Variants in NPAS3 observed in about 807,000 individuals in gnomAD.
NPAS3 encodes neuronal PAS domain-containing protein 3.
In NPAS3, 14 loss-of-function variants were observed where a neutral mutation model predicts 73.1. That is an observed-to-expected ratio of 0.19 (90% CI 0.13 to 0.30). The LOEUF is 0.30. Ranked by LOEUF, NPAS3 falls within the 10% of genes least tolerant of loss-of-function variation. The probability of loss-of-function intolerance (pLI) is 1.00; values close to 1 mark genes in which losing one functional copy is unlikely to be tolerated. For synonymous variants in NPAS3, 620 were observed against 541.5 expected (o/e 1.14, Z -2.01); for missense variants, 1,096 against 1,250.0 (o/e 0.88, Z 1.86).
intron 5 of NPAS3, among the ~76,000 whole-genome samples, chr14:33,622,076 G>A (rs1461823174): frequency 6.6e-6 from 1 of 152,128 alleles, no homozygotes; most frequent in Non-Finnish European, 1.5e-5. Flanking sequence ...GATGTGAAGT[G>A]GCAATCTGTC....
intron 4 of NPAS3, among the ~76,000 whole-genome samples, chr14:33,431,961 T>A (rs373884373): frequency 5.3e-4 from 80 of 152,324 alleles, no homozygotes; most frequent in African/African-American, 1.9e-3. Context: ...TATAGCATTT[T>A]TAGTATTACT....
chr14:33,043,793 G>A (rs960864095), intron 1 of NPAS3, among the ~76,000 whole-genome samples: 1 of 151,262 alleles, frequency 6.6e-6, no homozygotes, highest in East Asian at 1.9e-4. Flanking sequence ...AAAATGTATT[G>A]TTAGTCCACA....
intron 4 of NPAS3, among the ~76,000 whole-genome samples, chr14:33,530,824 G>A (rs1278525903): frequency 6.6e-6 from 1 of 152,118 alleles, no homozygotes; most frequent in Non-Finnish European, 1.5e-5. Context: ...TAGCTGAGCT[G>A]TTGCTAAAAA....
intron 4 of NPAS3, among the ~76,000 whole-genome samples, chr14:33,448,377 G>A (rs975748131): frequency 2.0e-5 from 3 of 152,172 alleles, no homozygotes; most frequent in Non-Finnish European, 4.4e-5. Context: ...TCCAAAGATA[G>A]AATAGGAATC....
intron 5 of NPAS3, among the ~76,000 whole-genome samples, chr14:33,626,427 A>G (rs1004485037): frequency 6.6e-5 from 10 of 152,162 alleles, no homozygotes; most frequent in Non-Finnish European, 2.9e-5. Context: ...ACAAGACTTT[A>G]AAAATTCTCC....
intron 2 of NPAS3, among the ~76,000 whole-genome samples, chr14:33,135,448 A>C (rs2043795947): frequency 6.6e-6 from 1 of 152,188 alleles, no homozygotes; most frequent in Non-Finnish European, 1.5e-5. Context: ...AGAAATTTTT[A>C]TTAAAAATAA....
intron 4 of NPAS3, among the ~76,000 whole-genome samples, chr14:33,545,555 C>T (rs190347515): frequency 2.0e-5 from 3 of 152,290 alleles, no homozygotes; most frequent in Admixed American, 1.3e-4. Context: ...GAGTTCAAAG[C>T]TCGTGTGTCC....
In NPAS3 at chr14:33,373,386, A is replaced by ATGTGTGTGTGTG. The variant is rs5807721; in HGVS notation, c.468+6142_468+6153dup. Among the ~76,000 whole-genome samples the ATGTGTGTGTGTG allele has an allele frequency of 1.6e-4, 23 of 147,250 alleles. No homozygotes were observed. The East Asian group carries it at 2.0e-3, about 13-fold the overall frequency. ...TTGTCAGCATATTATATTGAACTAT[A>ATGTGTGTGTGTG]TGTGTGTGTGTGTGTGTGTGTGTGT... On this transcript the variant is annotated intron_variant, in intron 4 of 11. Transcript: ENST00000356141.
intron 4 of NPAS3, among the ~76,000 whole-genome samples, chr14:33,397,293 C>G (rs997044851): frequency 1.3e-5 from 2 of 152,262 alleles, no homozygotes; most frequent in African/African-American, 4.8e-5. Context: ...TTACTAAGTA[C>G]TAAGCCACAA....
intron 6 of NPAS3, among the ~76,000 whole-genome samples, chr14:33,687,404 A>T (rs1417833785): frequency 6.6e-6 from 1 of 152,216 alleles, no homozygotes; most frequent in Non-Finnish European, 1.5e-5. Flanking sequence ...CCTCTCACTC[A>T]TCAGAGGGCA....
chr14:33,556,200 A>G (rs2055352415), intron 4 of NPAS3, among the ~76,000 whole-genome samples: 2 of 152,212 alleles, frequency 1.3e-5, no homozygotes, highest in African/African-American at 2.4e-5. Flanking sequence ...TTTAGTAAGT[A>G]CATGAAATCT....
At chr14:33,223,577 T>C (rs2047512579) in intron 3 of NPAS3, among the ~76,000 whole-genome samples, 1 of 152,222 alleles carries the variant, frequency 6.6e-6, no homozygotes, top group South Asian at 2.1e-4. Context: ...GATTCTGGTC[T>C]GAATGATTAC....
intron 3 of NPAS3, among the ~76,000 whole-genome samples, chr14:33,220,915 G>T (rs1322505568): frequency 6.6e-6 from 1 of 152,158 alleles, no homozygotes; most frequent in South Asian, 2.1e-4. Flanking sequence ...GAGAGTGATG[G>T]CTGAGAATAT....
chr14:33,108,432 T>C (rs1332716887), intron 2 of NPAS3, among the ~76,000 whole-genome samples: 1 of 152,094 alleles, frequency 6.6e-6, no homozygotes. Flanking sequence ...CACCTCATGA[T>C]CCGTCTACCT....
intron 3 of NPAS3, among the ~76,000 whole-genome samples, chr14:33,241,387 G>A (rs897113861): frequency 6.6e-6 from 1 of 151,934 alleles, no homozygotes; most frequent in Non-Finnish European, 1.5e-5. Context: ...CACAAACTAT[G>A]TAGCTGTCTT....
intron 2 of NPAS3, among the ~76,000 whole-genome samples, chr14:33,161,828 G>A (rs1050737891): frequency 2.0e-5 from 3 of 152,218 alleles, no homozygotes; most frequent in African/African-American, 2.4e-5. Context: ...ACAAGTAGGG[G>A]TTGAGGTAGA....
chr14:33,195,462 G>T lies in NPAS3; in HGVS notation c.141-19720G>T, dbSNP rs2046319328. On this transcript the variant is annotated intron_variant, in intron 2 of 11. Coordinates refer to ENST00000356141, the Ensembl canonical transcript of NPAS3. ...ATTTTTGTATTTTTAGTAGAGACAG[G>T]TTTCACATGTTGGCCAGGTTGGTCT... is the stretch of plus-strand genomic sequence containing the variant. 2.6e-5 allele frequency among the ~76,000 whole-genome samples: 4 copies of T among 152,034 alleles called. No individual in the cohort carries two copies. The South Asian group carries it at 8.3e-4, about 32-fold the overall frequency.
Position 33,065,538 on chromosome 14 carries a change from T to C in NPAS3, c.140+9544T>C, listed in dbSNP as rs146690342. Among the ~76,000 whole-genome samples the C allele has an allele frequency of 1.2e-3, 179 of 152,250 alleles. 1 individual carries two copies. Among genetic ancestry groups the C allele is most frequent in the African/African-American group, 4.1e-3 (170 of 41,578 alleles). On this transcript the variant is annotated intron_variant, in intron 2 of 11. Transcript: ENST00000356141. ...ATGCAACGGAAGCATTGTTGGGTTA[T>C]TTTTTCATTGGCAAATTTGAGACGT...
At chr14:33,519,483 GAGA>G (rs2053461605) in intron 4 of NPAS3, among the ~76,000 whole-genome samples, 2 of 152,112 alleles carry the variant, frequency 1.3e-5, no homozygotes, top group African/African-American at 4.8e-5. Context: ...GGTAGAACAG[GAGA>G]AGAAGCTAGC....
Sources: gnomAD v4.1 joint callset for allele counts (sites outside exome capture counted in the v4.1 genomes callset) on GRCh38, gnomAD v4.1.1 for gene constraint, MANE v1.5 for transcripts, NCBI Gene and HGNC (gene_info 2026-07-23, HGNC 2026-07-21) for gene names.